Variants in PHF14 observed in about 807,000 individuals in gnomAD.
The protein encoded by PHF14 is PHD finger protein 14.
PHF14 carries 55 observed loss-of-function variants against 117.9 expected under a neutral mutation model. The observed-to-expected ratio is 0.47, with a 90% CI of 0.38 to 0.58. The LOEUF is 0.58. PHF14 is among the 20% of genes least tolerant of loss of function. The pLI, the probability that PHF14 is intolerant of heterozygous loss-of-function variation, is 0.00. For synonymous variants in PHF14, 409 were observed against 368.6 expected, an observed-to-expected ratio of 1.11 and a Z score of -1.26; for missense variants, 978 against 1,122.2, an observed-to-expected ratio of 0.87 and a Z score of 1.84.
At chr7:11,058,564 GTT>G (rs1785098931) in intron 14 of PHF14, among the ~76,000 whole-genome samples, 1 of 152,162 alleles carries the variant, frequency 6.6e-6, no homozygotes, top group African/African-American at 2.4e-5. Flanking sequence ...AATGAATCAA[GTT>G]AGTATGTAGT....
chr7:11,007,094 T>C (rs1295976178), intron 4 of PHF14, among the ~76,000 whole-genome samples: 3 of 151,850 alleles, frequency 2.0e-5, no homozygotes, highest in African/African-American at 7.3e-5. Flanking sequence ...GGAGAATCGC[T>C]TGAACCCAGG....
At chr7:11,023,648 G>A (rs967050015) in intron 6 of PHF14, among the ~76,000 whole-genome samples, 5 of 152,140 alleles carry the variant, frequency 3.3e-5, no homozygotes, top group African/African-American at 1.2e-4. Context: ...CCAACATGGC[G>A]AAACCTCGTC....
At chr7:11,001,503 A>G (rs1782872222) in intron 4 of PHF14, among the ~76,000 whole-genome samples, 1 of 152,182 alleles carries the variant, frequency 6.6e-6, no homozygotes, top group Admixed American at 6.5e-5. Flanking sequence ...CATCTTGACA[A>G]TATTGAGCTT....
chr7:11,123,474 T>G (rs991612750), intron 17 of PHF14, among the ~76,000 whole-genome samples: 1 of 152,086 alleles, frequency 6.6e-6, no homozygotes, highest in Non-Finnish European at 1.5e-5. Context: ...CTCTTGAATT[T>G]TGATAAACTT....
chr7:11,031,210 A>C (rs1432564793), intron 7 of PHF14, among the ~76,000 whole-genome samples: 3 of 152,116 alleles, frequency 2.0e-5, no homozygotes, highest in African/African-American at 4.8e-5. Flanking sequence ...AAAGGTTGAA[A>C]AATAGAATAA....
At chr7:11,168,864 A>G (rs1789286239) in intron 17 of PHF14, among the ~76,000 whole-genome samples, 1 of 152,180 alleles carries the variant, frequency 6.6e-6, no homozygotes, top group Admixed American at 6.5e-5. Context: ...ACCATGTTCC[A>G]CAGGAACCTG....
chr7:11,110,610 A>G, intron 16 of PHF14: 3 of 696,080 alleles, frequency 4.3e-6, no homozygotes, highest in Non-Finnish European at 5.3e-6. Context: ...ATCAAAACAT[A>G]AGTTTTTAAA....
intron 16 of PHF14, among the ~76,000 whole-genome samples, chr7:11,080,358 A>G (rs1786048631): frequency 6.6e-6 from 1 of 152,156 alleles, no homozygotes; most frequent in South Asian, 2.1e-4. Context: ...TTGACTAAAC[A>G]CTACTTGGTG....
At position 11,140,040 on chromosome 7, in the gene PHF14, C is replaced by T. The variant is rs116349861; in HGVS notation, c.2772+28573C>T. ...AAGAAATACATGTTACCCTGTAACA[C>T]CTTACACGTTCCTACACACTATTCT... On this transcript the variant is annotated intron_variant, in intron 17 of 17. Transcript: ENST00000634607. 8.0e-3 allele frequency among the ~76,000 whole-genome samples: 1,224 copies of T among 152,114 alleles called. 11 individuals carry two copies. Among genetic ancestry groups the T allele is most frequent in the African/African-American group, 0.028 (1,167 of 41,480 alleles).
chr7:11,036,873 T>A, intron 9 of PHF14, 112 bp from the exon 10 acceptor site: 1 of 950,494 alleles, frequency 1.1e-6, no homozygotes, highest in Non-Finnish European at 1.6e-6. Context: ...TAAATATACT[T>A]AAAAGTTTTA....
intron 4 of PHF14, among the ~76,000 whole-genome samples, chr7:11,004,802 G>T (rs1783021956): frequency 6.6e-6 from 1 of 151,904 alleles, no homozygotes; most frequent in South Asian, 2.1e-4. Flanking sequence ...TTGGGAGGCC[G>T]AGGTGGGTGG....
intron 16 of PHF14, chr7:11,103,251 G>T (rs1189081763): frequency 1.1e-6 from 1 of 892,254 alleles, no homozygotes; most frequent in Non-Finnish European, 1.3e-6. Flanking sequence ...AGATATATCT[G>T]TGTTGATCTC....
At position 10,983,032 on chromosome 7, in the gene PHF14, A is replaced by T. The variant is rs1394297119; in HGVS notation, c.773A>T (p.Asp258Val). The stretch of plus-strand genomic sequence containing the variant: ...GAGAATGATGAAGGCAATGATGAAG[A>T]TCATAGTAGCCCTGCCAGTGAAGGG... ...EDENDEGNDE[D>V]HSSPASEGGC... is the part of the protein sequence containing the mutation. Residue 258 changes from aspartate (D) to valine (V), a missense_variant, in exon 3 of 18, where the codon GAT (aspartate) becomes GTT (valine). Coordinates refer to ENST00000634607, the MANE Select transcript of PHF14 (RefSeq NM_001007157.2). The T allele has an allele frequency of 1.9e-6, 3 of 1,589,694 alleles. No homozygotes were observed. The highest frequency in any genetic ancestry group is 2.6e-6 in the Non-Finnish European group (3 of 1,172,022).
chr7:11,050,858 A>G (rs73678571), intron 13 of PHF14, among the ~76,000 whole-genome samples: 2,011 of 151,978 alleles, frequency 0.013, 48 homozygotes, highest in African/African-American at 0.046. Flanking sequence ...TTTTTCCCCC[A>G]ACACTTCTTG....
intron 4 of PHF14, among the ~76,000 whole-genome samples, chr7:11,010,897 A>G (rs1783331645): frequency 6.6e-6 from 1 of 152,122 alleles, no homozygotes; most frequent in African/African-American, 2.4e-5. Flanking sequence ...TCAAGCGATC[A>G]TCCTGCCTCA....
At chr7:11,148,816 C>T (rs1262605858) in intron 17 of PHF14, among the ~76,000 whole-genome samples, 1 of 152,110 alleles carries the variant, frequency 6.6e-6, no homozygotes, top group African/African-American at 2.4e-5. Flanking sequence ...GAAGAAAAAG[C>T]GCTTTCACCA....
At chr7:11,139,857 A>G (rs978232136) in intron 17 of PHF14, among the ~76,000 whole-genome samples, 3 of 152,166 alleles carry the variant, frequency 2.0e-5, no homozygotes, top group African/African-American at 7.2e-5. Flanking sequence ...TTAGTGTACT[A>G]TTCCTAATAA....
At chr7:10,988,299 G>A (rs2128309502) in intron 3 of PHF14, among the ~76,000 whole-genome samples, 1 of 152,182 alleles carries the variant, frequency 6.6e-6, no homozygotes, top group East Asian at 1.9e-4. Flanking sequence ...ATATGATTTA[G>A]GCATTTATGG....
intron 16 of PHF14, among the ~76,000 whole-genome samples, chr7:11,095,513 C>T (rs1275682799): frequency 1.3e-5 from 2 of 152,130 alleles, no homozygotes; most frequent in Non-Finnish European, 2.9e-5. Context: ...GAGTCAAGGG[C>T]ATTTCGTTTA....
Sources: gnomAD v4.1 joint callset for allele counts (sites outside exome capture counted in the v4.1 genomes callset) on GRCh38, gnomAD v4.1.1 for gene constraint, MANE v1.5 for transcripts, NCBI Gene and HGNC (gene_info 2026-07-23, HGNC 2026-07-21) for gene names.